The following KMT2E variants were observed in gnomAD, a reference collection of about 807,000 sequenced individuals.
KMT2E encodes the protein lysine methyltransferase 2E (inactive), also known as histone reader KMT2E.
KMT2E carries 30 observed loss-of-function variants against 184.6 expected under a neutral mutation model. The ratio of observed to expected loss-of-function variants is 0.16; its 90% CI spans 0.12 to 0.22. KMT2E has a LOEUF of 0.22. Ranked by LOEUF, KMT2E falls within the 10% of genes least tolerant of loss-of-function variation. The pLI, the probability that KMT2E is intolerant of heterozygous loss-of-function variation, is 1.00. For missense variants in KMT2E, 2,023 were observed against 2,237.4 expected, an observed-to-expected ratio of 0.90 and a Z score of 1.93; for synonymous variants, 815 against 776.5, an observed-to-expected ratio of 1.05 and a Z score of -0.82.
intron 25 of KMT2E, 45 bp downstream of exon 25, chr7:105,110,647 A>C (rs760560323): frequency 6.2e-7 from 1 of 1,612,240 alleles, no homozygotes; most frequent in East Asian, 2.2e-5. Context: ...ACAAATTTTA[A>C]AATCAGACAA....
In KMT2E at chr7:105,110,757, C is replaced by T; in HGVS notation, c.3971-14C>T. 6.2e-7 allele frequency: 1 copy of T among 1,607,632 alleles called. No individual in the cohort carries two copies. The highest frequency in any genetic ancestry group is 8.5e-7 in the Non-Finnish European group (1 of 1,174,142). Reference sequence around the variant, plus strand: ...GTAATTTTATACTTACTATAGGTTTCTTCTGCTTTATAGACCCTGATCCTG... The same window carrying T: ...GTAATTTTATACTTACTATAGGTTTTTTCTGCTTTATAGACCCTGATCCTG... On this transcript the variant is annotated splice_polypyrimidine_tract_variant and intron_variant, in intron 25 of 26. Coordinates refer to ENST00000311117, the MANE Select transcript of KMT2E (RefSeq NM_182931.3).
At chr7:105,104,847 G>C (rs1798823290) in intron 17 of KMT2E, 1 of 152,016 alleles carries the variant, frequency 6.6e-6, no homozygotes, top group Non-Finnish European at 1.5e-5. Flanking sequence ...TAATAAAATG[G>C]TACTGACGTG....
At chr7:105,075,721 G>T (rs1054627410) in intron 8 of KMT2E, among the ~76,000 whole-genome samples, 1 of 151,324 alleles carries the variant, frequency 6.6e-6, no homozygotes, top group African/African-American at 2.4e-5. Context: ...ATGTTGCCCA[G>T]GCTGGAGTGC....
At chr7:105,040,324 T>C (rs1298202453) in intron 2 of KMT2E, among the ~76,000 whole-genome samples, 4 of 152,146 alleles carry the variant, frequency 2.6e-5, no homozygotes, top group Admixed American at 2.0e-4. Context: ...TATGAAAATA[T>C]ACAATAATAG....
intron 21 of KMT2E, 44 bp from the exon 22 acceptor site, chr7:105,107,318 A>T: frequency 2.6e-6 from 4 of 1,526,232 alleles, no homozygotes; most frequent in Non-Finnish European, 3.5e-6. Context: ...AACAGTCCCA[A>T]GATGTGATTA....
intron 1 of KMT2E, among the ~76,000 whole-genome samples, chr7:105,020,138 A>T (rs77095912): frequency 3.4e-5 from 5 of 148,578 alleles, no homozygotes; most frequent in South Asian, 2.1e-4. Flanking sequence ...TAAGTAAATT[A>T]AAAAAAAAAA....
chr7:105,027,196 C>T (rs991597621), intron 1 of KMT2E, among the ~76,000 whole-genome samples: 8 of 151,542 alleles, frequency 5.3e-5, no homozygotes, highest in Admixed American at 4.6e-4. Flanking sequence ...ATCCTCCCAC[C>T]TCAGCCTCCC....
chr7:105,039,149 G>A (rs1231277613), intron 2 of KMT2E: 1 of 152,140 alleles, frequency 6.6e-6, no homozygotes, highest in Non-Finnish European at 1.5e-5. Flanking sequence ...CCAATTCTTT[G>A]TAGAATGCTG....
intron 2 of KMT2E, among the ~76,000 whole-genome samples, chr7:105,039,632 A>G (rs1584712808): frequency 6.6e-6 from 1 of 152,218 alleles, no homozygotes; most frequent in Non-Finnish European, 1.5e-5. Flanking sequence ...GGTTAATAAC[A>G]TGTTAATAGT....
intron 3 of KMT2E, among the ~76,000 whole-genome samples, chr7:105,045,987 C>T (rs1190341806): frequency 6.6e-6 from 1 of 151,836 alleles, no homozygotes; most frequent in Non-Finnish European, 1.5e-5. Flanking sequence ...TTAAACTGTC[C>T]TGGAGATGTC....
At chr7:105,067,388 AT>A (rs972608273) in intron 6 of KMT2E, among the ~76,000 whole-genome samples, 5 of 151,230 alleles carry the variant, frequency 3.3e-5, no homozygotes, top group East Asian at 1.9e-4. Flanking sequence ...CTTGTTTGTA[AT>A]TTTTTTTTCC....
At chr7:105,065,322 T>C (rs1796985073) in intron 5 of KMT2E, among the ~76,000 whole-genome samples, 1 of 152,196 alleles carries the variant, frequency 6.6e-6, no homozygotes, top group South Asian at 2.1e-4. Context: ...ACAAATTTAG[T>C]TTAATTTGTT....
intron 1 of KMT2E, among the ~76,000 whole-genome samples, chr7:105,024,621 A>G (rs1316920063): frequency 4.6e-5 from 7 of 152,186 alleles, no homozygotes; most frequent in South Asian, 2.1e-4. Flanking sequence ...TACTGGCTCC[A>G]GCTCATTTTT....
chr7:105,112,334 A>G lies in KMT2E; in HGVS notation c.4578A>G (p.Gln1526=), dbSNP rs765062642. 19 of 1,613,596 alleles carry G rather than the reference A, an allele frequency of 1.2e-5. No individual in the cohort carries two copies. The highest frequency in any genetic ancestry group is 1.5e-5 in the Non-Finnish European group (18 of 1,180,008). Residue 1526 remains glutamine (Q), a synonymous_variant, in exon 27 of 27, where the codon CAA becomes CAG. Transcript: ENST00000311117. ...TATTTACACAGACACCCTCAGGACA[A>G]TCTTCAGCAACATACAGTCAGTTTA... ...GTLFTQTPSG[Q]SSATYSQFNQ...
chr7:105,072,198 G>A (rs1342706778), intron 6 of KMT2E, among the ~76,000 whole-genome samples: 10 of 152,016 alleles, frequency 6.6e-5, no homozygotes, highest in South Asian at 6.2e-4. Flanking sequence ...GGCGCCTGTC[G>A]TCCCAGCTAC....
chr7:105,030,212 T>C (rs976595330), intron 1 of KMT2E, among the ~76,000 whole-genome samples: 4 of 152,122 alleles, frequency 2.6e-5, no homozygotes, highest in African/African-American at 4.8e-5. Context: ...GAGAAGTCTT[T>C]TGAGATAAAG....
chr7:105,113,086 A>C lies in KMT2E; in HGVS notation c.5330A>C (p.His1777Pro). ...HHTTLGPGPQ[H>P]QPSGTGPHCP... Reference sequence around the variant, plus strand: ...ACCACTTTGGGACCGGGACCCCAGCACCAGCCTTCTGGAACAGGGCCACAT... The same window carrying C: ...ACCACTTTGGGACCGGGACCCCAGCCCCAGCCTTCTGGAACAGGGCCACAT... The change falls in exon 27 of 27, where the codon CAC becomes CCC. Residue 1777 changes from histidine (H) to proline (P), a missense_variant. Physicochemically the swap from His to Pro is moderately conservative, Grantham distance 77. This residue lies in a region of KMT2E where 1,108 missense variants were observed against 1,050.9 expected (regional missense o/e 1.05). Coordinates refer to ENST00000311117, the MANE Select transcript of KMT2E (RefSeq NM_182931.3). The C allele has an allele frequency of 6.2e-7, 1 of 1,614,118 alleles. No homozygotes were observed. Among genetic ancestry groups the C allele is most frequent in the Non-Finnish European group, 8.5e-7 (1 of 1,180,018 alleles).
intron 3 of KMT2E, among the ~76,000 whole-genome samples, chr7:105,059,819 G>T (rs902815160): frequency 3.3e-5 from 5 of 151,900 alleles, no homozygotes; most frequent in African/African-American, 4.8e-5. Flanking sequence ...TGGGAGTTGG[G>T]TGGAGACATA....
At position 105,111,993 on chromosome 7, in the gene KMT2E, AAGAATCATCCTCCTC is replaced by A; in HGVS notation, c.4241_4255del (p.Asn1414_Gln1418del). On this transcript the variant is annotated inframe_deletion, in exon 27 of 27. Transcript: ENST00000311117. ...ATCAAATAACAACCAAGCACTTTCA[AAGAATCATCCTCCTC>A]AGACACACGTTCGTAATTCATCTGA... 1.9e-6 allele frequency: 3 copies of A among 1,614,182 alleles called. No homozygotes were observed. Among genetic ancestry groups the A allele is most frequent in the Non-Finnish European group, 2.5e-6 (3 of 1,180,028 alleles).
Sources: allele counts gnomAD v4.1 joint callset (sites outside exome capture counted in the v4.1 genomes callset), GRCh38; gene constraint gnomAD v4.1.1; regional missense constraint gnomAD v4.1.1; transcripts MANE v1.5; gene names NCBI Gene and HGNC (gene_info 2026-07-23, HGNC 2026-07-21).